ZBTB20: variants seen among roughly 807,000 people sequenced by gnomAD.
ZBTB20 encodes the protein zinc finger and BTB domain-containing protein 20.
In ZBTB20, 9 loss-of-function variants were observed where a neutral mutation model predicts 56.9. That is an observed-to-expected ratio of 0.16 (90% CI 0.10 to 0.28). The LOEUF is 0.28. Among genes scored for constraint, ZBTB20 ranks in the 10% least tolerant of loss-of-function variants. The pLI is 1.00. For synonymous variants in ZBTB20, 417 were observed against 420.7 expected (o/e 0.99, Z 0.11); for missense variants, 655 against 1,003.0 (o/e 0.65, Z 4.69).
At chr3:114,659,358 C>T (rs1340095032) in intron 6 of ZBTB20, among the ~76,000 whole-genome samples, 1 of 152,168 alleles carries the variant, frequency 6.6e-6, no homozygotes, top group Non-Finnish European at 1.5e-5. Flanking sequence ...GTGGTAACTG[C>T]CCAACTAGGA....
intron 1 of ZBTB20, among the ~76,000 whole-genome samples, chr3:115,109,500 C>A (rs1235288202): frequency 1.3e-5 from 2 of 152,138 alleles, no homozygotes; most frequent in African/African-American, 2.4e-5. Flanking sequence ...CATACACTTT[C>A]TCATTTAATC....
chr3:114,877,992 C>T (rs1240830535), intron 4 of ZBTB20, among the ~76,000 whole-genome samples: 1 of 152,016 alleles, frequency 6.6e-6, no homozygotes, highest in Non-Finnish European at 1.5e-5. Context: ...ATACCAGGCT[C>T]CCTCTTTCTC....
At chr3:114,507,807 T>C (rs1314552210) in intron 6 of ZBTB20, among the ~76,000 whole-genome samples, 1 of 152,122 alleles carries the variant, frequency 6.6e-6, no homozygotes, top group Non-Finnish European at 1.5e-5. Flanking sequence ...ACAATACAGT[T>C]GAGTAAAATA....
intron 5 of ZBTB20, among the ~76,000 whole-genome samples, chr3:114,798,865 G>T (rs957320017): frequency 8.6e-5 from 13 of 151,766 alleles, no homozygotes; most frequent in African/African-American, 1.7e-4. Context: ...CAGAGGTCAA[G>T]TTTTATGAGA....
At chr3:115,056,373 T>C (rs2081782669) in intron 2 of ZBTB20, among the ~76,000 whole-genome samples, 1 of 151,998 alleles carries the variant, frequency 6.6e-6, no homozygotes, top group Non-Finnish European at 1.5e-5. Context: ...TCTTGAAGAG[T>C]ATTCTGGCAA....
intron 5 of ZBTB20, among the ~76,000 whole-genome samples, chr3:114,763,433 C>A (rs1448595368): frequency 6.6e-6 from 1 of 152,030 alleles, no homozygotes; most frequent in African/African-American, 2.4e-5. Flanking sequence ...ATCTATGATA[C>A]CTCAATGATA....
At chr3:114,591,300 T>C (rs2055737693) in intron 6 of ZBTB20, among the ~76,000 whole-genome samples, 1 of 152,230 alleles carries the variant, frequency 6.6e-6, no homozygotes, top group African/African-American at 2.4e-5. Flanking sequence ...TTCTTATACA[T>C]TCCACTATTA....
rs915790816 is a variant in ZBTB20 at position 114,333,963 on chromosome 3, C to G, written c.*5042G>C. The G allele has an allele frequency of 6.6e-6, 1 of 152,158 alleles. No individual in the cohort carries two copies. The allele number at this position is 152,158 out of a possible 1,614,324, so 9.4% of individuals were successfully genotyped here. A position where few individuals can be genotyped will look rare whatever the true frequency, so the allele number is the denominator to read the frequency against. On this transcript the variant is annotated 3_prime_UTR_variant, in exon 12 of 12. Coordinates refer to ENST00000675478, the MANE Select transcript of ZBTB20 (RefSeq NM_001348800.3). ...CAACTCATTACCAAATTAAAGAATT[C>G]TTTTAGAAGATTTCTTTTAAGAGTC...
At chr3:114,545,533 A>T (rs998426457) in intron 6 of ZBTB20, among the ~76,000 whole-genome samples, 5 of 152,174 alleles carry the variant, frequency 3.3e-5, no homozygotes, top group Non-Finnish European at 7.3e-5. Flanking sequence ...CAATTTTCTC[A>T]TTTGTAAATT....
intron 9 of ZBTB20, 97 bp downstream of exon 9, chr3:114,380,680 C>T: frequency 7.0e-7 from 1 of 1,425,706 alleles, no homozygotes. Flanking sequence ...CTTTAGACAG[C>T]TTGAGCTACG....
At chr3:114,539,522 C>T (rs2048869067) in intron 6 of ZBTB20, among the ~76,000 whole-genome samples, 1 of 152,096 alleles carries the variant, frequency 6.6e-6, no homozygotes, top group South Asian at 2.1e-4. Context: ...AACACAGGAA[C>T]AGAGTATTAC....
intron 6 of ZBTB20, among the ~76,000 whole-genome samples, chr3:114,526,165 C>T (rs530978722): frequency 3.3e-4 from 51 of 152,244 alleles, no homozygotes; most frequent in South Asian, 1.4e-3. Flanking sequence ...TTCAGTCACT[C>T]GATTTGCCCT....
chr3:114,365,046 T>C (rs1202030236), intron 10 of ZBTB20, among the ~76,000 whole-genome samples: 1 of 152,212 alleles, frequency 6.6e-6, no homozygotes, highest in Non-Finnish European at 1.5e-5. Context: ...TTCTGAAACC[T>C]AGGCTCTAAC....
intron 4 of ZBTB20, among the ~76,000 whole-genome samples, chr3:114,808,525 C>G (rs999548815): frequency 2.0e-5 from 3 of 151,936 alleles, no homozygotes; most frequent in African/African-American, 7.2e-5. Flanking sequence ...GTGATACCTT[C>G]TCTCTGATTC....
At chr3:114,509,930 C>CT (rs1337835854) in intron 6 of ZBTB20, among the ~76,000 whole-genome samples, 14 of 152,248 alleles carry the variant, frequency 9.2e-5, no homozygotes, top group African/African-American at 3.4e-4. Context: ...CTATCTGCTC[C>CT]TTAACCTCCC....
At chr3:114,421,332 T>C (rs879286018) in intron 7 of ZBTB20, among the ~76,000 whole-genome samples, 1 of 152,138 alleles carries the variant, frequency 6.6e-6, no homozygotes, top group African/African-American at 2.4e-5. Context: ...ATTTCTATAA[T>C]GGGGAAGGAC....
At chr3:114,491,763 C>A (rs77353089) in intron 7 of ZBTB20, among the ~76,000 whole-genome samples, 2,008 of 152,242 alleles carry the variant, frequency 0.013, 43 homozygotes, top group African/African-American at 0.045. Flanking sequence ...GACCTCACTT[C>A]CCCCCTCAAG....
At chr3:114,701,591 T>C (rs373267317) in intron 5 of ZBTB20, among the ~76,000 whole-genome samples, 6 of 152,276 alleles carry the variant, frequency 3.9e-5, no homozygotes, top group African/African-American at 1.4e-4. Context: ...TTTTATAGAT[T>C]AGCAACATAG....
intron 5 of ZBTB20, among the ~76,000 whole-genome samples, chr3:114,749,751 T>C (rs2067416513): frequency 6.6e-6 from 1 of 152,172 alleles, no homozygotes; most frequent in South Asian, 2.1e-4. Context: ...GAAACTTTGG[T>C]TTGTATCCCA....
Sources: gnomAD v4.1 joint callset for allele counts (sites outside exome capture counted in the v4.1 genomes callset) on GRCh38, gnomAD v4.1.1 for gene constraint, MANE v1.5 for transcripts, NCBI Gene and HGNC (gene_info 2026-07-23, HGNC 2026-07-21) for gene names.